ROBO2: variants seen among roughly 807,000 people sequenced by gnomAD.
ROBO2 encodes the protein roundabout guidance receptor 2.
ROBO2 carries 53 observed loss-of-function variants against 160.8 expected under a neutral mutation model. The observed-to-expected ratio is 0.33, with a 90% CI of 0.26 to 0.41. ROBO2 has a LOEUF of 0.41. Among genes scored for constraint, ROBO2 ranks in the 10% least tolerant of loss-of-function variants. The pLI, the probability that ROBO2 is intolerant of heterozygous loss-of-function variation, is 1.00. For missense variants in ROBO2, 1,577 were observed against 1,722.4 expected (o/e 0.92, Z 1.49); for synonymous variants, 664 against 611.7 (o/e 1.09, Z -1.26).
intron 1 of ROBO2, among the ~76,000 whole-genome samples, chr3:77,047,865 A>T (rs1022995923): frequency 6.6e-6 from 1 of 151,664 alleles, no homozygotes; most frequent in Non-Finnish European, 1.5e-5. Flanking sequence ...AATACGGCGA[A>T]ACCCTGTCTC....
intron 2 of ROBO2, among the ~76,000 whole-genome samples, chr3:76,892,618 G>A (rs1353966298): frequency 6.6e-6 from 1 of 151,996 alleles, no homozygotes; most frequent in East Asian, 1.9e-4. Flanking sequence ...GCTTTGTCCT[G>A]TCTCTCTTCA....
chr3:77,621,045 A>G (rs1439677981), intron 22 of ROBO2, among the ~76,000 whole-genome samples: 2 of 152,220 alleles, frequency 1.3e-5, no homozygotes, highest in Admixed American at 1.3e-4. Context: ...AAGCAAATCA[A>G]CTGGACCCTA....
Position 76,816,882 on chromosome 3 carries a change from T to C in ROBO2, c.110-281132T>C, listed in dbSNP as rs184447532. 2.7e-3 allele frequency among the ~76,000 whole-genome samples: 414 copies of C among 152,116 alleles called. 3 individuals carry two copies. Among genetic ancestry groups the C allele is most frequent in the African/African-American group, 9.0e-3 (373 of 41,502 alleles). ...GGCACATATACACCATGGAATACTATGTAGCCATAAAAAAAAGGATGAGTT... is the reference window on the plus strand; with the variant it reads ...GGCACATATACACCATGGAATACTACGTAGCCATAAAAAAAAGGATGAGTT... On this transcript the variant is annotated intron_variant, in intron 2 of 26. Transcript: ENST00000487694.
intron 2 of ROBO2, among the ~76,000 whole-genome samples, chr3:76,830,508 C>G (rs2066988243): frequency 1.3e-5 from 2 of 152,076 alleles, no homozygotes; most frequent in Admixed American, 1.3e-4. Context: ...CTTTTAACTG[C>G]TTGCATAATA....
At chr3:76,266,365 G>T (rs898736345) in intron 2 of ROBO2, among the ~76,000 whole-genome samples, 1 of 151,988 alleles carries the variant, frequency 6.6e-6, no homozygotes. Flanking sequence ...TTACTGTAAG[G>T]TTATTTTAGC....
intron 2 of ROBO2, among the ~76,000 whole-genome samples, chr3:77,238,805 A>T (rs1360517148): frequency 1.3e-5 from 2 of 152,158 alleles, no homozygotes; most frequent in Admixed American, 1.3e-4. Context: ...TATATTCAGT[A>T]TCCGCTATGT....
At chr3:77,638,889 C>T (rs181229544) in intron 24 of ROBO2, among the ~76,000 whole-genome samples, 186 of 125,168 alleles carry the variant, frequency 1.5e-3, no homozygotes, top group African/African-American at 5.5e-3. Flanking sequence ...TGCAATGGTG[C>T]GATCTCAGCT....
rs543322969 is a variant in ROBO2, at chr3:76,419,631, T to C, written c.109+482029T>C. Among the ~76,000 whole-genome samples, 785 of 152,272 alleles carry C rather than the reference T, an allele frequency of 5.2e-3. 8 individuals are homozygous for C. Among genetic ancestry groups the C allele is most frequent in the Non-Finnish European group, 6.6e-3 (448 of 68,014 alleles). Reference sequence around the variant, plus strand: ...CCTGTGTTGCAGTGATAAGAACTTATTTTCTCTGTCTATTGAGGAAAGAGA... The same window carrying C: ...CCTGTGTTGCAGTGATAAGAACTTACTTTCTCTGTCTATTGAGGAAAGAGA... On this transcript the variant is annotated intron_variant, in intron 2 of 26. Transcript: ENST00000487694.
chr3:75,924,787 C>T (rs1413160886), intron 1 of ROBO2, among the ~76,000 whole-genome samples: 1 of 129,686 alleles, frequency 7.7e-6, no homozygotes, highest in Non-Finnish European at 1.6e-5. Context: ...CTCCCGGGTT[C>T]CCGCCATTCT....
At chr3:77,596,187 G>A (rs2094299235) in intron 18 of ROBO2, among the ~76,000 whole-genome samples, 1 of 152,112 alleles carries the variant, frequency 6.6e-6, no homozygotes, top group East Asian at 1.9e-4. Context: ...AAGCATGAGG[G>A]CTCATAACAA....
intron 2 of ROBO2, among the ~76,000 whole-genome samples, chr3:76,787,328 C>CCACACACACACACACACACA (rs60806662): frequency 1.4e-5 from 2 of 142,170 alleles, no homozygotes; most frequent in Non-Finnish European, 1.5e-5. Flanking sequence ...TGTAAACACA[C>CCACACACACACACACACACA]CACACACACA....
At chr3:77,622,406 T>G in exon 23 of ROBO2, 1 of 1,614,094 alleles carries the variant, frequency 6.2e-7, no homozygotes, top group Non-Finnish European at 8.5e-7. Flanking sequence ...GGATCCAGCA[T>G]GGACAATCTA....
intron 2 of ROBO2, among the ~76,000 whole-genome samples, chr3:77,399,810 G>A (rs978211879): frequency 1.3e-5 from 2 of 152,094 alleles, no homozygotes; most frequent in African/African-American, 4.8e-5. Flanking sequence ...CCTATCTAAA[G>A]TAGAAACTTG....
At chr3:76,771,536 A>G (rs889901198) in intron 2 of ROBO2, among the ~76,000 whole-genome samples, 1 of 151,138 alleles carries the variant, frequency 6.6e-6, no homozygotes. Flanking sequence ...CTCCTCAAAA[A>G]TTTGACCTGA....
chr3:77,358,823 T>G (rs984928633), intron 2 of ROBO2, among the ~76,000 whole-genome samples: 1 of 152,236 alleles, frequency 6.6e-6, no homozygotes, highest in Non-Finnish European at 1.5e-5. Context: ...ATTCCTTATT[T>G]AGAAGAGCAT....
At chr3:76,578,553 C>T (rs555754854) in intron 2 of ROBO2, among the ~76,000 whole-genome samples, 124 of 152,214 alleles carry the variant, frequency 8.1e-4, no homozygotes, top group Non-Finnish European at 1.5e-3. Context: ...CTCTTGACCT[C>T]GCAGCTGCTT....
intron 2 of ROBO2, among the ~76,000 whole-genome samples, chr3:76,100,123 T>G (rs966274458): frequency 2.0e-5 from 3 of 152,182 alleles, no homozygotes; most frequent in Non-Finnish European, 2.9e-5. Flanking sequence ...TGTTTATCAT[T>G]CAATTCCTTG....
intron 2 of ROBO2, among the ~76,000 whole-genome samples, chr3:76,751,602 C>T (rs924172376): frequency 6.6e-6 from 1 of 152,006 alleles, no homozygotes; most frequent in African/African-American, 2.4e-5. Flanking sequence ...AAGAGAAAAT[C>T]AAACAACCCC....
intron 2 of ROBO2, among the ~76,000 whole-genome samples, chr3:76,478,937 A>G (rs1319449854): frequency 6.6e-6 from 1 of 152,048 alleles, no homozygotes; most frequent in Admixed American, 6.6e-5. Flanking sequence ...TCCTGGGTTT[A>G]CAGGTGTGAA....
Sources: allele counts gnomAD v4.1 joint callset (sites outside exome capture counted in the v4.1 genomes callset), GRCh38; gene constraint gnomAD v4.1.1; transcripts MANE v1.5; gene names NCBI Gene and HGNC (gene_info 2026-07-23, HGNC 2026-07-21).